DHX33: variants seen among roughly 807,000 people sequenced by gnomAD.
The protein encoded by DHX33 is DEAH-box helicase 33.
DHX33 carries 42 observed loss-of-function variants against 72.5 expected under a neutral mutation model. The observed-to-expected ratio is 0.58, with a 90% CI of 0.45 to 0.75. DHX33 has a LOEUF of 0.75. Among genes scored for constraint, DHX33 ranks in the 30% least tolerant of loss-of-function variants. The pLI is 0.00. For synonymous variants in DHX33, 358 were observed against 366.1 expected (o/e 0.98, Z 0.25); for missense variants, 842 against 917.5 (o/e 0.92, Z 1.06).
chr17:5,460,597 C>T (rs755258071), intron 4 of DHX33, among the ~76,000 whole-genome samples: 2 of 151,740 alleles, frequency 1.3e-5, no homozygotes, highest in African/African-American at 4.8e-5. Context: ...ACTTCCACCT[C>T]CCGGATTCAG....
rs1360322016 is a variant in DHX33 at position 5,460,796 on chromosome 17, C to T, written c.849+143G>A. 26 of 1,003,934 alleles carry T rather than the reference C, an allele frequency of 2.6e-5. 1 individual carries two copies. Among genetic ancestry groups the T allele is most frequent in the Non-Finnish European group, 3.4e-5 (24 of 710,662 alleles). 62.2% of individuals were successfully genotyped at this position (1,003,934 alleles called of 1,614,324 possible). Reference sequence around the variant, plus strand: ...TGCAGGGATTACAGGCGTGAGCCACCGCACCTGGCCTCCTTATTCATCTTG... The same window carrying T: ...TGCAGGGATTACAGGCGTGAGCCACTGCACCTGGCCTCCTTATTCATCTTG... On this transcript the variant is annotated intron_variant, in intron 4 of 11. Transcript: ENST00000225296.
intron 4 of DHX33, among the ~76,000 whole-genome samples, chr17:5,457,930 G>A (rs575301666): frequency 6.6e-5 from 10 of 152,082 alleles, no homozygotes; most frequent in Non-Finnish European, 1.3e-4. Flanking sequence ...GACAGTAAAG[G>A]CCACTGTCTT....
Position 5,468,927 on chromosome 17 carries a change from C to G in DHX33, c.-68G>C. On this transcript the variant is annotated 5_prime_UTR_variant, in exon 1 of 12. Transcript: ENST00000225296. ...CCTGCCCCCTCTCAGGTGCAGACAA[C>G]AGGAGCACACCGCCCCTTCCTCGCC... The G allele has an allele frequency of 6.6e-7, 1 of 1,514,306 alleles. No individual in the cohort carries two copies. The highest frequency in any genetic ancestry group is 8.9e-7 in the Non-Finnish European group (1 of 1,121,456). The allele number at this position is 1,514,306 out of a possible 1,614,324, so 93.8% of individuals were successfully genotyped here.
chr17:5,461,179 C>A (rs1052073609), intron 3 of DHX33, 70 bp from the exon 4 acceptor site: 1 of 1,511,448 alleles, frequency 6.6e-7, no homozygotes, highest in Non-Finnish European at 8.9e-7. Context: ...CCTCTCGAGC[C>A]CCAAAAGCAG....
Position 5,467,803 on chromosome 17 carries a change from T to C in DHX33, c.289+768A>G, listed in dbSNP as rs1290422981. ...CCCTAACACCAATATATACTCTTAGTCTGTAAGAGAAAGGGCTCCTGACCG... is the reference window on the plus strand; with the variant it reads ...CCCTAACACCAATATATACTCTTAGCCTGTAAGAGAAAGGGCTCCTGACCG... On this transcript the variant is annotated intron_variant, in intron 1 of 11. Coordinates refer to ENST00000225296, the MANE Select transcript of DHX33 (RefSeq NM_020162.4). Among the ~76,000 whole-genome samples the C allele has an allele frequency of 2.0e-5, 3 of 152,308 alleles. 1 individual carries two copies. The South Asian group carries it at 6.2e-4, about 32-fold the overall frequency.
chr17:5,458,268 C>T (rs914325185), intron 4 of DHX33, among the ~76,000 whole-genome samples: 2 of 151,992 alleles, frequency 1.3e-5, no homozygotes, highest in African/African-American at 4.8e-5. Flanking sequence ...AAAAGACAGA[C>T]TGTGCTTGAA....
Position 5,444,520 on chromosome 17 carries a change from C to A in DHX33, c.1816-7G>T. 1 of 1,610,802 alleles carries A rather than the reference C, an allele frequency of 6.2e-7. No homozygotes were observed. ...ATGCGATTGGCATTGACATCTGTTT[C>A]GGGAGAAAGCGAGGAATGGAGCCGA... On this transcript the variant is annotated splice_polypyrimidine_tract_variant and splice_region_variant and intron_variant, in intron 11 of 11. Transcript: ENST00000225296. The surrounding 1 kb of genome is among the most constrained non-coding windows in gnomAD (Gnocchi z 4.9).
rs1916854608 is a variant in DHX33 at position 5,450,487 on chromosome 17, AGTTTC to A, written c.1525-86_1525-82del. ...CACTATTTCTGTACATTGCTTTTGCAGTTTCCCTTCTAAGGAGTTAAAGGGCAGGT... is the reference window on the plus strand; with the variant it reads ...CACTATTTCTGTACATTGCTTTTGCACCTTCTAAGGAGTTAAAGGGCAGGT... On this transcript the variant is annotated intron_variant, in intron 9 of 11. Coordinates refer to ENST00000225296, the MANE Select transcript of DHX33 (RefSeq NM_020162.4). The A allele has an allele frequency of 2.0e-6, 3 of 1,473,568 alleles. No homozygotes were observed. In the Admixed American group the frequency reaches 5.3e-5, roughly 26 times the overall value. The allele number at this position is 1,473,568 out of a possible 1,614,324, so 91.3% of individuals were successfully genotyped here.
intron 4 of DHX33, among the ~76,000 whole-genome samples, chr17:5,460,688 G>C (rs1188245960): frequency 6.6e-6 from 1 of 151,864 alleles, no homozygotes; most frequent in Non-Finnish European, 1.5e-5. Flanking sequence ...TGTATTTTTA[G>C]TAGAGATGGG....
chr17:5,452,535 G>C (rs1468585042), intron 8 of DHX33, among the ~76,000 whole-genome samples: 1 of 151,702 alleles, frequency 6.6e-6, no homozygotes, highest in African/African-American at 2.4e-5. Flanking sequence ...GTGAGACCCT[G>C]TCTCAAAACA....
Position 5,456,064 on chromosome 17 carries a change from A to G in DHX33, c.968T>C (p.Leu323Pro). Residue 323 changes from leucine to proline, a missense_variant, in exon 5 of 12, where the codon CTG becomes CCG. Physicochemically the swap from Leu to Pro is moderately conservative, Grantham distance 98. Coordinates refer to ENST00000225296, the MANE Select transcript of DHX33 (RefSeq NM_020162.4). Reference protein sequence around the residue: ...KHLPDGCPAMLVLPLYASLPY... With the variant: ...KHLPDGCPAMPVLPLYASLPY... ...CAGGGAGGCGTACAGAGGAAGGACCAGCATCGCAGGGCAGCCGTCTGGGAG... is the reference window on the plus strand; with the variant it reads ...CAGGGAGGCGTACAGAGGAAGGACCGGCATCGCAGGGCAGCCGTCTGGGAG... 1 of 1,613,766 alleles carries G rather than the reference A, an allele frequency of 6.2e-7. No homozygotes were observed. Among genetic ancestry groups the G allele is most frequent in the South Asian group, 1.1e-5 (1 of 91,054 alleles).
At position 5,453,611 on chromosome 17, in the gene DHX33, G is replaced by A. The variant is rs138132118; in HGVS notation, c.1365C>T (p.Leu455=). 2.5e-6 allele frequency: 4 copies of A among 1,614,056 alleles called. No individual in the cohort carries two copies. The highest frequency in any genetic ancestry group is 1.3e-5 in the African/African-American group (1 of 74,914). Residue 455 remains leucine (L), a synonymous_variant, in exon 8 of 12, where the codon CTC becomes CTT. Coordinates refer to ENST00000225296, the MANE Select transcript of DHX33 (RefSeq NM_020162.4). ...ATGGCTTCGACATGAAGTCAAAGGTGAGCACATTTGGGACTTTCATTGCTA... is the reference window on the plus strand; with the variant it reads ...ATGGCTTCGACATGAAGTCAAAGGTAAGCACATTTGGGACTTTCATTGCTA... The part of the protein sequence containing the change: ...QLLAMKVPNV[L]TFDFMSKPSP...
intron 11 of DHX33, among the ~76,000 whole-genome samples, chr17:5,446,550 TGAG>T (rs538968802): frequency 2.4e-4 from 37 of 152,106 alleles, no homozygotes; most frequent in East Asian, 1.2e-3. Context: ...AAAAAAGAAA[TGAG>T]GAGTTTAAAT....
At chr17:5,456,541 C>A (rs535141203) in intron 4 of DHX33, among the ~76,000 whole-genome samples, 7 of 152,234 alleles carry the variant, frequency 4.6e-5, no homozygotes, top group African/African-American at 1.7e-4. Flanking sequence ...GTTCCAGCTG[C>A]TTGCCACTCC....
rs1241807843 is a variant in DHX33, at chr17:5,448,896, C to G, written c.1729-1G>C. 1 of 1,611,194 alleles carries G rather than the reference C, an allele frequency of 6.2e-7. No homozygotes were observed. The highest frequency in any genetic ancestry group is 8.5e-7 in the Non-Finnish European group (1 of 1,178,116). On this transcript the variant is annotated splice_acceptor_variant, in intron 10 of 11. Coordinates refer to ENST00000225296, the MANE Select transcript of DHX33 (RefSeq NM_020162.4). LOFTEE classifies it high-confidence loss of function. ...TGACAAAATTCTCTTTGCACCAATC[C>G]TGAATAGGAGAAAGAGTGATATCAC... is the stretch of plus-strand genomic sequence containing the variant.
rs766529744 is a variant in DHX33 at position 5,444,196 on chromosome 17, TGGGGC to T, written c.*4_*8del. 1 of 1,609,408 alleles carries T rather than the reference TGGGGC, an allele frequency of 6.2e-7. No homozygotes were observed. The highest frequency in any genetic ancestry group is 8.5e-7 in the Non-Finnish European group (1 of 1,176,478). On this transcript the variant is annotated 3_prime_UTR_variant, in exon 12 of 12. Transcript: ENST00000225296. The surrounding 1 kb of genome is among the most constrained non-coding windows in gnomAD (Gnocchi z 4.9). ...GGGACCAGTGATTCTGGCGGCATCC[TGGGGC>T]GGCTCAGTTTCTGGCGGTTCTCAGC...
chr17:5,447,556 A>G (rs1386451238), intron 11 of DHX33, among the ~76,000 whole-genome samples: 1 of 152,056 alleles, frequency 6.6e-6, no homozygotes, highest in African/African-American at 2.4e-5. Flanking sequence ...CACGGGAGGC[A>G]GAGGTTGTGG....
In DHX33 at chr17:5,465,919, C is replaced by A. The variant is rs570900827; in HGVS notation, c.290-2230G>T. Among the ~76,000 whole-genome samples the A allele has an allele frequency of 6.6e-5, 10 of 152,330 alleles. No individual in the cohort carries two copies. In the South Asian group the frequency reaches 1.0e-3, roughly 16 times the overall value. On this transcript the variant is annotated intron_variant, in intron 1 of 11. Coordinates refer to ENST00000225296, the MANE Select transcript of DHX33 (RefSeq NM_020162.4). ...GCCCTTCTGCAGTGCACCATCCTTA[C>A]ATCCGTTCTCTAGCCCTGCAGCCTC...
intron 6 of DHX33, 46 bp from the exon 7 acceptor site, chr17:5,454,026 C>T (rs761226754): frequency 2.5e-6 from 4 of 1,597,886 alleles, no homozygotes; most frequent in African/African-American, 1.3e-5. Flanking sequence ...CATGAACAAA[C>T]TCTTTCTACA....
Sources: allele counts gnomAD v4.1 joint callset (sites outside exome capture counted in the v4.1 genomes callset), GRCh38; gene constraint gnomAD v4.1.1; non-coding constraint Gnocchi (gnomAD v3.1); transcripts MANE v1.5; gene names NCBI Gene and HGNC (gene_info 2026-07-23, HGNC 2026-07-21).